Variants in HECTD4 observed in about 807,000 individuals in gnomAD.
HECTD4 encodes the protein HECT domain E3 ubiquitin protein ligase 4.
A neutral mutation model predicts 471.5 loss-of-function variants in HECTD4; 114 were observed. That is an observed-to-expected ratio of 0.24 (90% confidence interval 0.21 to 0.28). The LOEUF (loss-of-function observed/expected upper bound fraction) is 0.28. HECTD4 is among the 10% of genes least tolerant of loss of function. The pLI is 1.00. For synonymous variants in HECTD4, 2,012 were observed against 2,256.0 expected, an observed-to-expected ratio of 0.89 and a Z score of 3.07; for missense variants, 3,866 against 5,651.5, an observed-to-expected ratio of 0.68 and a Z score of 10.13.
At chr12:112,244,220 T>A (rs2033706207) in intron 29 of HECTD4, among the ~76,000 whole-genome samples, 1 of 152,198 alleles carries the variant, frequency 6.6e-6, no homozygotes, top group Admixed American at 6.5e-5. Context: ...AAAATTAAAA[T>A]CTTTTTATTA....
intron 23 of HECTD4, 23 bp downstream of exon 23, chr12:112,252,401 C>T (rs568181288): frequency 1.5e-5 from 23 of 1,567,568 alleles, no homozygotes; most frequent in African/African-American, 5.5e-5. Context: ...ATTTTGTCCA[C>T]GGCAGTGGTT....
chr12:112,220,711 C>T (rs1418245097), intron 44 of HECTD4, among the ~76,000 whole-genome samples: 8 of 152,082 alleles, frequency 5.3e-5, no homozygotes, highest in Non-Finnish European at 1.2e-4. Flanking sequence ...GCATGATAAT[C>T]GCTTGAACCC....
At chr12:112,199,166 G>C (rs370230687) in intron 55 of HECTD4, among the ~76,000 whole-genome samples, 3 of 152,266 alleles carry the variant, frequency 2.0e-5, no homozygotes, top group African/African-American at 7.2e-5. Context: ...CAGTAGGTAG[G>C]GTCAGGGAAT....
rs774181292 is a variant in HECTD4 at position 112,190,946 on chromosome 12, T to C, written c.9312A>G (p.Gly3104=). 7.7e-6 allele frequency: 12 copies of C among 1,562,786 alleles called. No individual in the cohort carries two copies. The highest frequency in any genetic ancestry group is 1.0e-5 in the Non-Finnish European group (12 of 1,154,006). ...HIKLGVSPPP[G]AVLVLHSLPL... ...GCAGGGAATGTAACACCAGGACTGC[T>C]CCAGGAGGTGGAGACACCCCTGCAA... Residue 3104 remains glycine (G), a synonymous_variant, in exon 60 of 76, where the codon GGA becomes GGG. Coordinates refer to ENST00000682272, the MANE Select transcript of HECTD4 (RefSeq NM_001388303.1).
chr12:112,249,673 A>C (rs2033835335), intron 25 of HECTD4: 1 of 156,000 alleles, frequency 6.4e-6, no homozygotes, highest in Non-Finnish European at 1.4e-5. Context: ...GACATTTGTA[A>C]CTGTATGTAC....
intron 29 of HECTD4, 136 bp from the exon 30 acceptor site, chr12:112,244,145 A>G: frequency 1.5e-6 from 1 of 671,326 alleles, no homozygotes; most frequent in Non-Finnish European, 2.3e-6. Flanking sequence ...CTAGCACAGC[A>G]TACTGATGGT....
At chr12:112,347,251 T>C (rs781766488) in intron 1 of HECTD4, among the ~76,000 whole-genome samples, 6 of 152,192 alleles carry the variant, frequency 3.9e-5, no homozygotes, top group Non-Finnish European at 8.8e-5. Flanking sequence ...GGCTCATGTC[T>C]GTAATCCCAG....
chr12:112,247,138 A>C, intron 28 of HECTD4, 62 bp from the exon 29 acceptor site: 1 of 1,317,078 alleles, frequency 7.6e-7, no homozygotes, highest in South Asian at 1.4e-5. Context: ...AACTATTAAA[A>C]AAAAATGTTT....
chr12:112,345,982 G>A (rs1173529225), intron 1 of HECTD4, among the ~76,000 whole-genome samples: 8 of 152,364 alleles, frequency 5.3e-5, no homozygotes. Context: ...CTCACAGGAA[G>A]TCTGGTAGTT....
chr12:112,232,148 C>T (rs187790697), intron 38 of HECTD4, among the ~76,000 whole-genome samples: 2 of 152,034 alleles, frequency 1.3e-5, no homozygotes, highest in Non-Finnish European at 1.5e-5. Context: ...TTGTTTTGTT[C>T]GAGATTGAGT....
At chr12:112,349,878 AAC>A (rs1429473028) in intron 1 of HECTD4, among the ~76,000 whole-genome samples, 4 of 152,222 alleles carry the variant, frequency 2.6e-5, no homozygotes, top group African/African-American at 9.6e-5. Context: ...ACAGACTGGG[AAC>A]ACATTGAATA....
intron 2 of HECTD4, among the ~76,000 whole-genome samples, chr12:112,318,190 G>A (rs1052620994): frequency 3.3e-5 from 5 of 151,908 alleles, no homozygotes; most frequent in African/African-American, 9.7e-5. Flanking sequence ...ACTTGAATCC[G>A]GGAGGTGGAA....
chr12:112,180,882 C>T (rs550541189), intron 62 of HECTD4, among the ~76,000 whole-genome samples: 2 of 151,836 alleles, frequency 1.3e-5, no homozygotes, highest in East Asian at 1.9e-4. Flanking sequence ...TTTAAGAAAA[C>T]GCCAAAAACC....
At chr12:112,295,838 C>T (rs952020026) in intron 7 of HECTD4, among the ~76,000 whole-genome samples, 5 of 150,990 alleles carry the variant, frequency 3.3e-5, no homozygotes, top group Non-Finnish European at 5.9e-5. Flanking sequence ...CACACACACA[C>T]ACACATAGTG....
In HECTD4 at chr12:112,176,463, C is replaced by T. The variant is rs2031451700; in HGVS notation, c.11470+133G>A. 1.2e-5 allele frequency: 8 copies of T among 646,900 alleles called. No individual in the cohort carries two copies. The East Asian group carries it at 2.2e-4, about 18-fold the overall frequency. 40.1% of individuals were successfully genotyped at this position (646,900 alleles called of 1,614,324 possible). A position where few individuals can be genotyped will look rare whatever the true frequency, so the allele number is the denominator to read the frequency against. On this transcript the variant is annotated intron_variant, in intron 65 of 75. Transcript: ENST00000682272. ...GTCCTGCCTGATACCCCAGGGAACC[C>T]AGAGCCCAGAGCAGAGGCCATCCCA...
In HECTD4 at chr12:112,231,474, G is replaced by C. The variant is rs371548963; in HGVS notation, c.6200+39C>G. 135 of 1,574,814 alleles carry C rather than the reference G, an allele frequency of 8.6e-5. 1 individual carries two copies. In the African/African-American group the frequency reaches 1.7e-3, roughly 19 times the overall value. On this transcript the variant is annotated intron_variant, in intron 39 of 75. Coordinates refer to ENST00000682272, the MANE Select transcript of HECTD4 (RefSeq NM_001388303.1). ...AACAAACCCATTATAAAGTAAACCTGAGATGAGTGTGGACAGCTCCTACCT... is the reference window on the plus strand; with the variant it reads ...AACAAACCCATTATAAAGTAAACCTCAGATGAGTGTGGACAGCTCCTACCT...
intron 66 of HECTD4, among the ~76,000 whole-genome samples, chr12:112,174,563 ATTTTCT>A (rs1278299157): frequency 6.7e-6 from 1 of 148,160 alleles, no homozygotes; most frequent in Non-Finnish European, 1.5e-5. Context: ...CTTGGTAGCC[ATTTTCT>A]TTTTCTTTTT....
At chr12:112,297,207 G>T (rs1372841705) in intron 7 of HECTD4, among the ~76,000 whole-genome samples, 1 of 151,702 alleles carries the variant, frequency 6.6e-6, no homozygotes, top group Non-Finnish European at 1.5e-5. Flanking sequence ...GGTGCAGAGG[G>T]TGTAGATGCA....
At position 112,247,008 on chromosome 12, in the gene HECTD4, G is replaced by A. The variant is rs1593972834; in HGVS notation, c.4406C>T (p.Thr1469Met). 1.2e-6 allele frequency: 2 copies of A among 1,611,642 alleles called. No individual in the cohort carries two copies. The highest frequency in any genetic ancestry group is 1.1e-5 in the South Asian group (1 of 90,858). ...KPSHPLAKTK[T>M]LVKSLMNRAE... ...TCGGTTCATTAAACTCTTCACTAAC[G>A]TCTTTGTTTTAGCCAGTGGGTGTGA... Residue 1469 changes from threonine (T) to methionine (M), a missense_variant, in exon 29 of 76, where the codon ACG becomes ATG. Transcript: ENST00000682272.
Sources: gnomAD v4.1 joint callset for allele counts (sites outside exome capture counted in the v4.1 genomes callset) on GRCh38, gnomAD v4.1.1 for gene constraint, MANE v1.5 for transcripts, NCBI Gene and HGNC (gene_info 2026-07-23, HGNC 2026-07-21) for gene names.